The following RALYL variants were observed in gnomAD, a reference collection of about 807,000 sequenced individuals.
The protein encoded by RALYL is RNA-binding Raly-like protein.
In RALYL, 29 loss-of-function variants were observed where a neutral mutation model predicts 35.1. The observed-to-expected ratio is 0.83, with a 90% CI of 0.61 to 1.13. The LOEUF (loss-of-function observed/expected upper bound fraction) is 1.13. RALYL is among the 50% of genes most tolerant of loss of function. RALYL has a pLI of 0.00. For synonymous variants in RALYL, 120 were observed against 127.6 expected (o/e 0.94, Z 0.40); for missense variants, 359 against 360.4 (o/e 1.00, Z 0.03).
At chr8:84,369,780 G>A (rs893638850) in intron 1 of RALYL, among the ~76,000 whole-genome samples, 7 of 152,074 alleles carry the variant, frequency 4.6e-5, no homozygotes, top group Non-Finnish European at 8.8e-5. Context: ...ATAGGAAAGT[G>A]CTCTCCAATT....
At chr8:84,396,035 C>T (rs960951360) in intron 1 of RALYL, among the ~76,000 whole-genome samples, 7 of 151,718 alleles carry the variant, frequency 4.6e-5, no homozygotes, top group African/African-American at 7.3e-5. Flanking sequence ...TAGCATATTG[C>T]TTTGACTATA....
chr8:84,299,442 G>A (rs1463741711), intron 1 of RALYL, among the ~76,000 whole-genome samples: 1 of 151,584 alleles, frequency 6.6e-6, no homozygotes, highest in Admixed American at 6.6e-5. Flanking sequence ...TTTTTGTTGT[G>A]TCTCTGCTTG....
At chr8:84,408,556 A>G (rs528793899) in intron 1 of RALYL, among the ~76,000 whole-genome samples, 1 of 152,310 alleles carries the variant, frequency 6.6e-6, no homozygotes, top group Non-Finnish European at 1.5e-5. Flanking sequence ...TATTTCATAT[A>G]GCAGCATGGG....
intron 8 of RALYL, among the ~76,000 whole-genome samples, chr8:84,895,146 G>A (rs953518227): frequency 9.2e-5 from 14 of 152,022 alleles, no homozygotes; most frequent in Non-Finnish European, 1.8e-4. Flanking sequence ...TCGTATTTTA[G>A]CACAGCATTC....
intron 2 of RALYL, among the ~76,000 whole-genome samples, chr8:84,726,521 A>G (rs188280537): frequency 1.1e-3 from 169 of 151,644 alleles, no homozygotes; most frequent in African/African-American, 4.0e-3. Flanking sequence ...AGAGAAATAA[A>G]ATAGCACTAT....
At chr8:84,283,538 T>C (rs1837024173) in intron 1 of RALYL, among the ~76,000 whole-genome samples, 1 of 152,130 alleles carries the variant, frequency 6.6e-6, no homozygotes, top group Non-Finnish European at 1.5e-5. Context: ...GTAATTAACA[T>C]GGGGAAGAAA....
chr8:84,213,816 T>A (rs1820131020), intron 1 of RALYL, among the ~76,000 whole-genome samples: 3 of 152,230 alleles, frequency 2.0e-5, no homozygotes, highest in African/African-American at 4.8e-5. Context: ...TTGACATACA[T>A]ACATATTGGA....
chr8:84,631,458 G>A (rs967242625), intron 2 of RALYL, among the ~76,000 whole-genome samples: 6 of 152,006 alleles, frequency 3.9e-5, no homozygotes, highest in African/African-American at 1.4e-4. Flanking sequence ...GCTTAAGGCT[G>A]TCATGGGATG....
chr8:84,855,204 C>G (rs1836724579), intron 5 of RALYL, among the ~76,000 whole-genome samples: 1 of 152,152 alleles, frequency 6.6e-6, no homozygotes, highest in African/African-American at 2.4e-5. Flanking sequence ...GAGCTAGCTG[C>G]CCAACCCCAA....
chr8:84,887,560 T>C (rs2135422151), intron 7 of RALYL, 44 bp from the exon 8 acceptor site: 1 of 1,542,256 alleles, frequency 6.5e-7, no homozygotes, highest in South Asian at 1.3e-5. Context: ...AAATGGCTCA[T>C]GAGCAACCCA....
At chr8:84,218,366 A>G (rs1821340980) in intron 1 of RALYL, among the ~76,000 whole-genome samples, 1 of 152,018 alleles carries the variant, frequency 6.6e-6, no homozygotes, top group South Asian at 2.1e-4. Flanking sequence ...CAAGCTGAAG[A>G]TGCCATTGAC....
At chr8:84,468,504 G>A (rs556105230) in intron 1 of RALYL, among the ~76,000 whole-genome samples, 2,042 of 149,594 alleles carry the variant, frequency 0.014, 39 homozygotes, top group African/African-American at 0.046. Flanking sequence ...GGTTTCTGCC[G>A]AGAGATCTGC....
intron 1 of RALYL, among the ~76,000 whole-genome samples, chr8:84,471,017 A>G (rs998140651): frequency 6.6e-6 from 1 of 152,192 alleles, no homozygotes; most frequent in African/African-American, 2.4e-5. Context: ...TCATATGTTC[A>G]TCATTGCCTC....
chr8:84,210,492 T>TAA (rs35507588), intron 1 of RALYL, among the ~76,000 whole-genome samples: 11 of 150,562 alleles, frequency 7.3e-5, no homozygotes, highest in African/African-American at 1.2e-4. Flanking sequence ...TTCATTGGCT[T>TAA]AAAAAAAAAG....
intron 2 of RALYL, among the ~76,000 whole-genome samples, chr8:84,713,778 T>G (rs1842550047): frequency 6.6e-6 from 1 of 151,772 alleles, no homozygotes; most frequent in African/African-American, 2.4e-5. Context: ...GAGATATCTC[T>G]ACTTCCATTT....
intron 1 of RALYL, among the ~76,000 whole-genome samples, chr8:84,238,628 G>A (rs778645012): frequency 1.7e-4 from 26 of 152,240 alleles, no homozygotes; most frequent in Non-Finnish European, 2.6e-4. Context: ...CAGAGAGGGC[G>A]TTGACTGAGC....
At chr8:84,722,091 T>A (rs1344540585) in intron 2 of RALYL, among the ~76,000 whole-genome samples, 3 of 152,106 alleles carry the variant, frequency 2.0e-5, no homozygotes, top group Non-Finnish European at 4.4e-5. Flanking sequence ...TAGCCCAAAC[T>A]TTATTCTCAG....
At chr8:84,696,197 A>G (rs1486298442) in intron 2 of RALYL, among the ~76,000 whole-genome samples, 3 of 151,866 alleles carry the variant, frequency 2.0e-5, no homozygotes, top group Non-Finnish European at 4.4e-5. Flanking sequence ...GACTGAAGTT[A>G]AGTTCATTTA....
intron 3 of RALYL, among the ~76,000 whole-genome samples, chr8:84,781,647 C>G (rs1818198035): frequency 6.6e-6 from 1 of 152,088 alleles, no homozygotes. Flanking sequence ...GAAGTAAAAC[C>G]ATGCAATCAA....
Sources: gnomAD v4.1 joint callset for allele counts (sites outside exome capture counted in the v4.1 genomes callset) on GRCh38, gnomAD v4.1.1 for gene constraint, MANE v1.5 for transcripts, NCBI Gene and HGNC (gene_info 2026-07-23, HGNC 2026-07-21) for gene names.